Variants in RNF38 observed in about 807,000 individuals in gnomAD.
RNF38 encodes E3 ubiquitin-protein ligase RNF38.
A neutral mutation model predicts 67.2 loss-of-function variants in RNF38; 15 were observed. That is an observed-to-expected ratio of 0.22 (90% CI 0.15 to 0.34). RNF38 has a LOEUF of 0.34. RNF38 is among the 10% of genes least tolerant of loss of function. The pLI, the probability that RNF38 is intolerant of heterozygous loss-of-function variation, is 1.00. For synonymous variants in RNF38, 220 were observed against 218.8 expected (o/e 1.01, Z -0.05); for missense variants, 524 against 639.9 (o/e 0.82, Z 1.95).
chr9:36,451,598 T>G (rs1416027179), intron 1 of RNF38, among the ~76,000 whole-genome samples: 1 of 143,104 alleles, frequency 7.0e-6, no homozygotes, highest in African/African-American at 2.6e-5. Flanking sequence ...CCTCCCAGGT[T>G]CAAGCGATTC....
intron 1 of RNF38, among the ~76,000 whole-genome samples, chr9:36,441,708 T>C (rs1361197520): frequency 9.6e-6 from 1 of 104,624 alleles, no homozygotes; most frequent in African/African-American, 4.4e-5. Context: ...TGCGTTCATA[T>C]ACATACTCCT....
intron 3 of RNF38, chr9:36,372,642 T>C: frequency 1.6e-6 from 1 of 618,482 alleles, no homozygotes. Flanking sequence ...GACACACTGC[T>C]GAAAAAAACA....
chr9:36,351,217 A>T lies in RNF38; in HGVS notation c.1179-18T>A, dbSNP rs1833664039. 5 of 1,565,844 alleles carry T rather than the reference A, an allele frequency of 3.2e-6. No individual in the cohort carries two copies. The South Asian group carries it at 5.6e-5, about 18-fold the overall frequency. ...GCATTGATCTGCAGTGAAAACAATC[A>T]CACTAGCATTGATATGTTAGTACAT... On this transcript the variant is annotated intron_variant, in intron 8 of 11. Transcript: ENST00000259605.
intron 11 of RNF38, among the ~76,000 whole-genome samples, chr9:36,341,884 A>G (rs1039923478): frequency 1.6e-5 from 1 of 62,504 alleles, no homozygotes; most frequent in African/African-American, 5.3e-5. Flanking sequence ...CCCTGCAATA[A>G]TTTCACTCTG....
At chr9:36,369,020 G>A (rs960012251) in intron 4 of RNF38, among the ~76,000 whole-genome samples, 2 of 152,022 alleles carry the variant, frequency 1.3e-5, no homozygotes, top group African/African-American at 4.8e-5. Context: ...AAAGGGAAAT[G>A]AAACATTGTA....
chr9:36,399,442 A>T (rs113965533), intron 1 of RNF38, among the ~76,000 whole-genome samples: 2,119 of 148,900 alleles, frequency 0.014, 50 homozygotes, highest in African/African-American at 0.05. Context: ...TGAACAATGT[A>T]TGATTAGCAG....
chr9:36,349,993 A>ATT (rs1291437763), intron 9 of RNF38, among the ~76,000 whole-genome samples: 1 of 151,980 alleles, frequency 6.6e-6, no homozygotes, highest in African/African-American at 2.4e-5. Context: ...TAATTTTAGT[A>ATT]TTTTTATAGA....
upstream of RNF38, chr9:36,400,314 ACAT>A: frequency 1.6e-6 from 2 of 1,263,870 alleles, no homozygotes; most frequent in Non-Finnish European, 1.0e-6. Context: ...CTCCTGGGTG[ACAT>A]CATTTCACCT....
chr9:36,475,922 T>C (rs142516687), intron 1 of RNF38, among the ~76,000 whole-genome samples: 5,785 of 149,470 alleles, frequency 0.039, 337 homozygotes, highest in African/African-American at 0.13. Flanking sequence ...AGCAGGACAA[T>C]TGCTTGAACC....
chr9:36,421,651 G>A (rs909897865), intron 2 of RNF38, among the ~76,000 whole-genome samples: 3 of 152,020 alleles, frequency 2.0e-5, no homozygotes, highest in Admixed American at 1.3e-4. Context: ...CAGTAAGAGC[G>A]AAACTCTGTC....
In RNF38 at chr9:36,336,860, C is replaced by CAGAT. The variant is rs1455063791; in HGVS notation, c.*2888_*2891dup. The CAGAT allele has an allele frequency of 2.0e-5, 3 of 152,242 alleles. No individual in the cohort carries two copies. Among genetic ancestry groups the CAGAT allele is most frequent in the African/African-American group, 4.8e-5 (2 of 41,430 alleles). 9.4% of individuals were successfully genotyped at this position (152,242 alleles called of 1,614,324 possible). ...TTAAGAATCTTAACAAATCACATTT[C>CAGAT]AGATAGTATATAAAATCTAAATATG... On this transcript the variant is annotated 3_prime_UTR_variant, in exon 12 of 12. Transcript: ENST00000259605.
At position 36,336,460 on chromosome 9, in the gene RNF38, G is replaced by C. The variant is rs1346546862; in HGVS notation, c.*3292C>G. The C allele has an allele frequency of 6.6e-6, 1 of 152,208 alleles. No homozygotes were observed. The highest frequency in any genetic ancestry group is 1.5e-5 in the Non-Finnish European group (1 of 68,004). 9.4% of individuals were successfully genotyped at this position (152,208 alleles called of 1,614,324 possible). ...CCTCTCAACTCCAAAATTGGGCACA[G>C]GGATTAAAAATAAAAATTCATTGCA... On this transcript the variant is annotated 3_prime_UTR_variant, in exon 12 of 12. Coordinates refer to ENST00000259605, the MANE Select transcript of RNF38 (RefSeq NM_022781.5).
intron 2 of RNF38, among the ~76,000 whole-genome samples, chr9:36,423,610 G>A (rs1190531736): frequency 6.6e-6 from 1 of 152,168 alleles, no homozygotes; most frequent in Non-Finnish European, 1.5e-5. Flanking sequence ...CCAGCTCACA[G>A]AAATATTTAC....
rs1832537063 is a variant in RNF38 at position 36,337,478 on chromosome 9, AGTAC to A, written c.*2270_*2273del. 6.5e-6 allele frequency: 1 copy of A among 152,698 alleles called. No individual in the cohort carries two copies. Among genetic ancestry groups the A allele is most frequent in the Non-Finnish European group, 1.5e-5 (1 of 68,044 alleles). The allele number at this position is 152,698 out of a possible 1,614,324, so 9.5% of individuals were successfully genotyped here. Reference sequence around the variant, plus strand: ...GAAAAAGCTGCTACTCCTAGTCATTAGTACAATGTGCTGTGTTAATTAGATACCT... The same window carrying A: ...GAAAAAGCTGCTACTCCTAGTCATTAAATGTGCTGTGTTAATTAGATACCT... On this transcript the variant is annotated 3_prime_UTR_variant, in exon 12 of 12. Coordinates refer to ENST00000259605, the MANE Select transcript of RNF38 (RefSeq NM_022781.5).
intron 2 of RNF38, among the ~76,000 whole-genome samples, chr9:36,379,316 A>T (rs1201070572): frequency 6.6e-6 from 1 of 152,232 alleles, no homozygotes; most frequent in Non-Finnish European, 1.5e-5. Context: ...TATCAATTTT[A>T]GTACTCTAAG....
At chr9:36,464,974 A>G (rs1839826375) in intron 1 of RNF38, among the ~76,000 whole-genome samples, 1 of 152,248 alleles carries the variant, frequency 6.6e-6, no homozygotes, top group Non-Finnish European at 1.5e-5. Flanking sequence ...AAGCCTTCTT[A>G]AAATCTGCAT....
intron 6 of RNF38, 51 bp downstream of exon 6, chr9:36,356,252 T>G: frequency 6.3e-7 from 1 of 1,575,648 alleles, no homozygotes; most frequent in Non-Finnish European, 8.7e-7. Flanking sequence ...CTGAAAAAAT[T>G]AAAAATTAGT....
chr9:36,424,329 T>C (rs1199936418), intron 2 of RNF38, among the ~76,000 whole-genome samples: 1 of 152,214 alleles, frequency 6.6e-6, no homozygotes, highest in Non-Finnish European at 1.5e-5. Flanking sequence ...AGATAATCCA[T>C]TCAGGCTTTG....
chr9:36,429,559 T>C (rs1270592842), intron 1 of RNF38, among the ~76,000 whole-genome samples: 1 of 152,132 alleles, frequency 6.6e-6, no homozygotes, highest in Non-Finnish European at 1.5e-5. Flanking sequence ...GGTGGGAGGA[T>C]CATGAAGTCA....
Sources: allele counts gnomAD v4.1 joint callset (sites outside exome capture counted in the v4.1 genomes callset), GRCh38; gene constraint gnomAD v4.1.1; transcripts MANE v1.5; gene names NCBI Gene and HGNC (gene_info 2026-07-23, HGNC 2026-07-21).